The following DDHD2 variants were observed in gnomAD, a reference collection of about 807,000 sequenced individuals.
DDHD2 encodes the protein DDHD domain containing 2, also known as triacylglycerol hydrolase DDHD2.
Under a neutral mutation model 91.2 loss-of-function variants are expected in DDHD2, and 62 were observed. The observed-to-expected ratio is 0.68, with a 90% confidence interval of 0.55 to 0.84. DDHD2 has a LOEUF of 0.84. Among genes scored for constraint, DDHD2 ranks in the 40% least tolerant of loss-of-function variants. The pLI is 0.00. For synonymous variants in DDHD2, 271 were observed against 293.9 expected, an observed-to-expected ratio of 0.92 and a Z score of 0.80; for missense variants, 740 against 846.9, an observed-to-expected ratio of 0.87 and a Z score of 1.57.
chr8:38,249,279 AT>A (rs974026221), intron 10 of DDHD2, among the ~76,000 whole-genome samples: 1 of 150,090 alleles, frequency 6.7e-6, no homozygotes, highest in Non-Finnish European at 1.5e-5. Context: ...CGCCTGGCTA[AT>A]TTTTTTTGTA....
Position 38,233,131 on chromosome 8 carries a change from A to T in DDHD2, c.137A>T (p.Tyr46Phe). Residue 46 changes from tyrosine (Y) to phenylalanine (F), a missense_variant, in exon 2 of 18, where the codon TAT becomes TTT. Tyr to Phe is a conservative substitution (Grantham distance 22). This residue lies in a region of DDHD2 where 693 missense variants were observed against 764.2 expected (regional missense o/e 0.91). Transcript: ENST00000397166. ...LYEPVSPHWF[Y>F]CKIIDSKETW... ...GAACCAGTTTCTCCCCATTGGTTTT[A>T]TTGTAAGATAATAGATTCTAAGGAG... The T allele has an allele frequency of 6.2e-7, 1 of 1,614,104 alleles. No homozygotes were observed. Among genetic ancestry groups the T allele is most frequent in the African/African-American group, 1.3e-5 (1 of 75,024 alleles).
chr8:38,238,586 T>C, intron 5 of DDHD2: 1 of 1,030,654 alleles, frequency 9.7e-7, no homozygotes. Context: ...CAGGACCTGA[T>C]TATGCACTGC....
intron 1 of DDHD2, chr8:38,269,932 A>T (rs1808381037): frequency 6.6e-6 from 1 of 152,232 alleles, no homozygotes; most frequent in Admixed American, 6.5e-5. Flanking sequence ...ATTACAGGCA[A>T]CCCTAAATAC....
chr8:38,268,448 A>AG, intron 1 of DDHD2: 9 of 1,573,284 alleles, frequency 5.7e-6, no homozygotes, highest in Non-Finnish European at 7.8e-6. Flanking sequence ...CAGTGGAGAG[A>AG]GAAATGCAAT....
chr8:38,249,758 A>C lies in DDHD2; in HGVS notation c.1299A>C (p.Pro433=), dbSNP rs1019701843. The change falls in exon 11 of 18, where the codon CCA becomes CCC. Residue 433 remains proline, a synonymous_variant. Transcript: ENST00000397166. The part of the protein sequence containing the change: ...DLQEIGIPLG[P]RKKILNYFST... Reference sequence around the variant, plus strand: ...AGGAAATAGGAATTCCTTTAGGACCAAGAAAGAAGATATTAAACTATTTCA... The same window carrying C: ...AGGAAATAGGAATTCCTTTAGGACCCAGAAAGAAGATATTAAACTATTTCA... The C allele has an allele frequency of 1.9e-6, 3 of 1,612,434 alleles. No individual in the cohort carries two copies. Among genetic ancestry groups the C allele is most frequent in the East Asian group, 2.2e-5 (1 of 44,812 alleles).
downstream of DDHD2, chr8:38,267,341 G>T: frequency 6.2e-7 from 1 of 1,613,994 alleles, no homozygotes; most frequent in East Asian, 2.2e-5. Context: ...CATCAAGTCA[G>T]AATGGGCTAG....
In DDHD2 at chr8:38,247,743, G is replaced by A; in HGVS notation, c.1156G>A (p.Asp386Asn). The part of the protein sequence containing the change: ...DSLNIVMDQG[D>N]TPTLEEDLKK... Reference sequence around the variant, plus strand: ...GCTAAATATTGTAATGGATCAAGGAGATACACCTACACTAGAGGAAGATTT... The same window carrying A: ...GCTAAATATTGTAATGGATCAAGGAAATACACCTACACTAGAGGAAGATTT... The change falls in exon 10 of 18, where the codon GAT becomes AAT. Residue 386 changes from aspartate (D) to asparagine (N), a missense_variant. Transcript: ENST00000397166. 6.4e-7 allele frequency: 1 copy of A among 1,553,652 alleles called. No homozygotes were observed. The highest frequency in any genetic ancestry group is 8.7e-7 in the Non-Finnish European group (1 of 1,146,048).
chr8:38,247,468 G>A (rs1445936135), intron 9 of DDHD2: 1 of 240,004 alleles, frequency 4.2e-6, no homozygotes, highest in Non-Finnish European at 7.9e-6. Flanking sequence ...CTTAAGCACT[G>A]AGCTCCCTTA....
At position 38,262,355 on chromosome 8, in the gene DDHD2, A is replaced by G. The variant is rs1326508268; in HGVS notation, c.*1782A>G. ...GTCCCTATAACCAAAGATGGACAGC[A>G]TAGCCCTGGATAGCCAGATAAACCA... On this transcript the variant is annotated 3_prime_UTR_variant, in exon 18 of 18. Coordinates refer to ENST00000397166, the MANE Select transcript of DDHD2 (RefSeq NM_015214.3). The G allele has an allele frequency of 6.6e-6, 1 of 152,168 alleles. No homozygotes were observed. Among genetic ancestry groups the G allele is most frequent in the Admixed American group, 6.5e-5 (1 of 15,274 alleles). The allele number at this position is 152,168 out of a possible 1,614,324, so 9.4% of individuals were successfully genotyped here. A position where few individuals can be genotyped will look rare whatever the true frequency, so the allele number is the denominator to read the frequency against.
At chr8:38,240,232 G>A in intron 5 of DDHD2, 43 bp from the exon 6 acceptor site, 1 of 1,190,490 alleles carries the variant, frequency 8.4e-7, no homozygotes, top group South Asian at 1.3e-5. Flanking sequence ...TAGAATACAT[G>A]ACTAATTATA....
intron 11 of DDHD2, chr8:38,251,372 A>G (rs1038803131): frequency 6.6e-6 from 1 of 152,552 alleles, no homozygotes; most frequent in African/African-American, 2.4e-5. Flanking sequence ...ACTTTTTAGC[A>G]GGTGGCTCAT....
At chr8:38,259,295 ACTGCAACCTTTGCCTC>A (rs1181020520) in intron 16 of DDHD2, among the ~76,000 whole-genome samples, 1 of 150,928 alleles carries the variant, frequency 6.6e-6, no homozygotes, top group Admixed American at 6.6e-5. Flanking sequence ...CCTTCGGCTC[ACTGCAACCTTTGCCTC>A]CTCGGTTCAA....
In DDHD2 at chr8:38,268,438, C is replaced by G. The variant is rs1390165540; in HGVS notation, n.88-2684C>G. 6.3e-6 allele frequency: 10 copies of G among 1,575,074 alleles called. No homozygotes were observed. In the East Asian group the frequency reaches 1.4e-4, roughly 22 times the overall value. ...GAAATTTGGCCAGGAAGATCAGAGACAGTGGAGAGAGAAATGCAATAACCT... is the reference window on the plus strand; with the variant it reads ...GAAATTTGGCCAGGAAGATCAGAGAGAGTGGAGAGAGAAATGCAATAACCT... On this transcript the variant is annotated intron_variant and non_coding_transcript_variant, in intron 1 of 1. Coordinates refer to the DDHD2 transcript ENST00000526071.
At chr8:38,233,330 A>C (rs1804442726) in intron 2 of DDHD2, 116 bp downstream of exon 2, 23 of 702,040 alleles carry the variant, frequency 3.3e-5, no homozygotes, top group Non-Finnish European at 5.1e-5. Context: ...CCAGTTACAT[A>C]ATTTCTTACA....
chr8:38,253,159 C>T, intron 15 of DDHD2, 32 bp downstream of exon 15: 1 of 1,575,466 alleles, frequency 6.3e-7, no homozygotes, highest in Non-Finnish European at 8.6e-7. Context: ...GACCAGCTGC[C>T]AGATAAGAGG....
intron 16 of DDHD2, chr8:38,255,234 A>C (rs1806425181): frequency 3.0e-6 from 1 of 335,328 alleles, no homozygotes. Flanking sequence ...AGGTCCTAAG[A>C]ATAATTTTTC....
intron 10 of DDHD2, among the ~76,000 whole-genome samples, chr8:38,249,105 G>GT (rs1469144065): frequency 6.6e-6 from 1 of 151,652 alleles, no homozygotes; most frequent in African/African-American, 2.4e-5. Flanking sequence ...AATCAAGGAA[G>GT]TTTTTTTGTT....
intron 1 of DDHD2, chr8:38,268,643 G>A (rs1452987745): frequency 5.6e-6 from 8 of 1,437,028 alleles, no homozygotes; most frequent in South Asian, 3.0e-5. Flanking sequence ...TCGGGCCCCG[G>A]TACCTCAGGC....
intron 16 of DDHD2, among the ~76,000 whole-genome samples, chr8:38,257,246 T>G (rs1442228989): frequency 8.9e-5 from 12 of 134,160 alleles, no homozygotes; most frequent in African/African-American, 3.4e-4. Context: ...AAGTTTTTTT[T>G]TTTTTTTTTT....
Sources: allele counts gnomAD v4.1 joint callset (sites outside exome capture counted in the v4.1 genomes callset), GRCh38; gene constraint gnomAD v4.1.1; regional missense constraint gnomAD v4.1.1; transcripts MANE v1.5; gene names NCBI Gene and HGNC (gene_info 2026-07-23, HGNC 2026-07-21).